Variants in NUP188 observed in about 807,000 individuals in gnomAD.
NUP188 encodes nucleoporin 188.
Under a neutral mutation model 223.0 loss-of-function variants are expected in NUP188, and 97 were observed. The observed-to-expected ratio is 0.43, with a 90% CI of 0.37 to 0.51. The LOEUF (loss-of-function observed/expected upper bound fraction) is 0.51, where lower values mean the gene tolerates loss of function less well. NUP188 is among the 20% of genes least tolerant of loss of function. The pLI is 0.00. For missense variants in NUP188, 1,947 were observed against 2,175.6 expected, an observed-to-expected ratio of 0.89 and a Z score of 2.09; for synonymous variants, 869 against 828.0, an observed-to-expected ratio of 1.05 and a Z score of -0.85.
chr9:128,955,924 C>T (rs1841862301), intron 3 of NUP188, among the ~76,000 whole-genome samples: 1 of 151,836 alleles, frequency 6.6e-6, no homozygotes, highest in Non-Finnish European at 1.5e-5. Context: ...ATGTATGCCA[C>T]AGACCTGGTT....
At chr9:128,960,211 C>T (rs1455797935) in intron 8 of NUP188, among the ~76,000 whole-genome samples, 1 of 151,040 alleles carries the variant, frequency 6.6e-6, no homozygotes, top group Non-Finnish European at 1.5e-5. Context: ...CTACAGGTGC[C>T]CGCCACCACG....
chr9:128,947,892 G>A (rs1199814856), intron 1 of NUP188, 141 bp downstream of exon 1: 9 of 762,014 alleles, frequency 1.2e-5, no homozygotes, highest in Non-Finnish European at 1.7e-5. Context: ...CGAGACGGGA[G>A]GCGGTTACGT....
At chr9:128,976,220 AT>A (rs1191465775) in intron 12 of NUP188, among the ~76,000 whole-genome samples, 2 of 152,186 alleles carry the variant, frequency 1.3e-5, no homozygotes, top group Non-Finnish European at 2.9e-5. Context: ...AGCCTTGGTT[AT>A]TTTTAGTGGG....
At chr9:128,949,047 A>G (rs531260208) in intron 1 of NUP188, 142 bp from the exon 2 acceptor site, 95 of 609,396 alleles carry the variant, frequency 1.6e-4, no homozygotes, top group Admixed American at 6.0e-4. Context: ...TTATATAACA[A>G]GATTACTTTC....
intron 42 of NUP188, 37 bp from the exon 43 acceptor site, chr9:129,006,202 C>T: frequency 1.2e-6 from 2 of 1,614,138 alleles, no homozygotes; most frequent in Non-Finnish European, 1.7e-6. Flanking sequence ...CAGCCTGGCC[C>T]TCTGCAGCAG....
chr9:129,002,774 C>CTTG, intron 36 of NUP188, 43 bp from the exon 37 acceptor site: 4 of 1,591,704 alleles, frequency 2.5e-6, no homozygotes, highest in Non-Finnish European at 3.4e-6. Context: ...GAGGTCCTGC[C>CTTG]TCTCAGCAGG....
At chr9:128,960,646 G>A (rs62585598) in intron 8 of NUP188, among the ~76,000 whole-genome samples, 1 of 152,130 alleles carries the variant, frequency 6.6e-6, no homozygotes, top group Non-Finnish European at 1.5e-5. Flanking sequence ...GCTATAAAAG[G>A]TGTAAAAGAA....
At chr9:128,970,471 A>G (rs1842090101) in intron 10 of NUP188, among the ~76,000 whole-genome samples, 1 of 152,234 alleles carries the variant, frequency 6.6e-6, no homozygotes, top group Non-Finnish European at 1.5e-5. Flanking sequence ...GAGCATAGAA[A>G]GTTTGAGAAG....
chr9:128,964,340 G>A, intron 8 of NUP188: 1 of 323,140 alleles, frequency 3.1e-6, no homozygotes, highest in Non-Finnish European at 6.1e-6. Context: ...TCCACCTAGT[G>A]GCTTGTCTTT....
Position 128,970,952 on chromosome 9 carries a change from AAAT to A in NUP188, c.1108_1110del (p.Asn370del). ...TGCTCCAGTCCCTTGCCAGTGGGGG[AAAT>A]GATGTGAGTTTAAGGCTCTGGGTGG... On this transcript the variant is annotated inframe_deletion, in exon 11 of 44. Transcript: ENST00000372577. 3.1e-6 allele frequency: 5 copies of A among 1,613,382 alleles called. No individual in the cohort carries two copies. Among genetic ancestry groups the A allele is most frequent in the Admixed American group, 1.7e-5 (1 of 59,978 alleles).
chr9:128,952,242 C>G (rs1174387728), intron 2 of NUP188, among the ~76,000 whole-genome samples: 4 of 151,348 alleles, frequency 2.6e-5, no homozygotes, highest in Non-Finnish European at 5.9e-5. Context: ...ACTAAAAATA[C>G]AAAAAAAACT....
chr9:128,984,879 T>TC lies in NUP188; in HGVS notation c.1962-18dup, dbSNP rs772485339. 8 of 1,517,494 alleles carry TC rather than the reference T, an allele frequency of 5.3e-6. No individual in the cohort carries two copies. In the Admixed American group the frequency reaches 1.5e-4, roughly 29 times the overall value. The allele number at this position is 1,517,494 out of a possible 1,614,324, so 94.0% of individuals were successfully genotyped here. On this transcript the variant is annotated intron_variant, in intron 19 of 43. Transcript: ENST00000372577. ...CTTGAAATTTCCCTATCATTTTTTT[T>TC]CCCTCTACTTCTTTTTCCAGTGCGG...
intron 9 of NUP188, 94 bp from the exon 10 acceptor site, chr9:128,969,306 T>G (rs1302985477): frequency 2.7e-6 from 2 of 733,246 alleles, no homozygotes; most frequent in Non-Finnish European, 4.6e-6. Context: ...GCCCAATAGG[T>G]TTTTTTGATA....
At chr9:128,980,952 T>G (rs1428562025) in intron 14 of NUP188, among the ~76,000 whole-genome samples, 1 of 152,194 alleles carries the variant, frequency 6.6e-6, no homozygotes, top group Admixed American at 6.6e-5. Flanking sequence ...ATAAAGTTCC[T>G]TAATATCTAG....
chr9:129,005,264 G>A, intron 39 of NUP188, 39 bp from the exon 40 acceptor site: 1 of 1,613,300 alleles, frequency 6.2e-7, no homozygotes, highest in Non-Finnish European at 8.5e-7. Flanking sequence ...CCTCACGCTA[G>A]CTTCCCAAGC....
Position 129,002,928 on chromosome 9 carries a change from C to T in NUP188, c.4249C>T (p.Pro1417Ser), listed in dbSNP as rs1472940702. 5 of 1,614,202 alleles carry T rather than the reference C, an allele frequency of 3.1e-6. No individual in the cohort carries two copies. Among genetic ancestry groups the T allele is most frequent in the Non-Finnish European group, 4.2e-6 (5 of 1,180,036 alleles). Reference protein sequence around the residue: ...LLKTLRYNFLPEALDFVGVHQ... With the variant: ...LLKTLRYNFLSEALDFVGVHQ... Reference sequence around the variant, plus strand: ...CAAAACTCTGCGCTACAACTTCCTGCCTGAGGCCCTGGACTTCGTGGGTGT... The same window carrying T: ...CAAAACTCTGCGCTACAACTTCCTGTCTGAGGCCCTGGACTTCGTGGGTGT... The change falls in exon 37 of 44, where the codon CCT becomes TCT. Residue 1417 changes from proline to serine, a missense_variant. Pro to Ser is a moderately conservative substitution (Grantham distance 74). This residue lies in a region of NUP188 where 905 missense variants were observed against 990.6 expected (regional missense o/e 0.91). Transcript: ENST00000372577.
intron 8 of NUP188, among the ~76,000 whole-genome samples, chr9:128,966,359 T>C (rs748871070): frequency 1.3e-5 from 2 of 151,796 alleles, no homozygotes; most frequent in Non-Finnish European, 2.9e-5. Flanking sequence ...TGTCCAAATA[T>C]TGGATGTTTT....
intron 27 of NUP188, 50 bp from the exon 28 acceptor site, chr9:128,994,323 G>T: frequency 7.8e-7 from 1 of 1,288,840 alleles, no homozygotes; most frequent in South Asian, 1.2e-5. Flanking sequence ...AGGAGAAAAT[G>T]ACTGTGAGAG....
Position 129,006,761 on chromosome 9 carries a change from C to A in NUP188, c.*83C>A. 7.0e-7 allele frequency: 1 copy of A among 1,437,728 alleles called. No homozygotes were observed. The highest frequency in any genetic ancestry group is 9.3e-7 in the Non-Finnish European group (1 of 1,072,496). 89.1% of individuals were successfully genotyped at this position (1,437,728 alleles called of 1,614,324 possible). On this transcript the variant is annotated 3_prime_UTR_variant, in exon 44 of 44. Coordinates refer to ENST00000372577, the MANE Select transcript of NUP188 (RefSeq NM_015354.3). ...GCAGGGGTGCTGCTGGCTGCTAGGG[C>A]CTATACAATGGAGGGCACCTCCTGT...
Sources: gnomAD v4.1 joint callset for allele counts (sites outside exome capture counted in the v4.1 genomes callset) on GRCh38, gnomAD v4.1.1 for gene constraint, gnomAD v4.1.1 regional missense constraint, MANE v1.5 for transcripts, NCBI Gene and HGNC (gene_info 2026-07-23, HGNC 2026-07-21) for gene names.